CHTF18: variants seen among roughly 807,000 people sequenced by gnomAD.
CHTF18 encodes the protein chromosome transmission fidelity factor 18, also known as chromosome transmission fidelity protein 18 homolog.
A neutral mutation model predicts 113.4 loss-of-function variants in CHTF18; 151 were observed. That is an observed-to-expected ratio of 1.33 (90% CI 1.17 to 1.52). The LOEUF (loss-of-function observed/expected upper bound fraction) is 1.52. Ranked by LOEUF, CHTF18 falls within the 40% of genes most tolerant of loss-of-function variation. CHTF18 has a pLI of 0.00. For missense variants in CHTF18, 1,982 were observed against 1,381.6 expected, an observed-to-expected ratio of 1.43 and a Z score of -6.89; for synonymous variants, 916 against 598.8, an observed-to-expected ratio of 1.53 and a Z score of -7.74.
intron 15 of CHTF18, chr16:794,843 T>C (rs1338443748): frequency 8.7e-6 from 4 of 461,174 alleles, no homozygotes; most frequent in Non-Finnish European, 1.6e-5. Context: ...GGAGGCCTCC[T>C]GGTGGGTCAC....
Position 789,215 on chromosome 16 carries a change from A to G in CHTF18, c.292A>G (p.Arg98Gly). The change falls in exon 3 of 22, where the codon AGG (arginine) becomes GGG (glycine). Residue 98 changes from arginine (R) to glycine (G), a missense_variant. Physicochemically the swap from Arg to Gly is moderately radical, Grantham distance 125. Coordinates refer to ENST00000262315, the MANE Select transcript of CHTF18 (RefSeq NM_022092.3). ...QPAGSLPHAP[R>G]IKRPRLQVVK... ...CCTGCATGTGTCTCCCCCAGCCCCC[A>G]GGATCAAACGGCCTAGGCTGCAGGT... The G allele has an allele frequency of 6.4e-7, 1 of 1,551,352 alleles. No homozygotes were observed. Among genetic ancestry groups the G allele is most frequent in the East Asian group, 2.4e-5 (1 of 40,962 alleles).
chr16:792,075 G>A (rs1469491493), intron 9 of CHTF18, 127 bp downstream of exon 9: 43 of 1,533,556 alleles, frequency 2.8e-5, no homozygotes, highest in African/African-American at 2.8e-5. Context: ...TGTGTGGGCC[G>A]GGAAAACGTG....
chr16:797,817 G>A (rs1192411467), intron 21 of CHTF18, 22 bp from the exon 22 acceptor site: 1 of 1,594,210 alleles, frequency 6.3e-7, no homozygotes, highest in Non-Finnish European at 8.5e-7. Context: ...TACAGCTGAG[G>A]AGCAACCCTG....
At chr16:790,851 C>T (rs1279213045) in intron 7 of CHTF18, 185 bp downstream of exon 7, 16 of 1,431,480 alleles carry the variant, frequency 1.1e-5, no homozygotes, top group Middle Eastern at 2.6e-4. Context: ...TCCCCTGTGA[C>T]CTGTGAGGCA....
rs767341732 is a variant in CHTF18, at chr16:794,181, G to C, written c.1930G>C (p.Glu644Gln). Residue 644 changes from glutamate to glutamine, a missense_variant, in exon 15 of 22, where the codon GAG (glutamate) becomes CAG (glutamine). By Grantham distance (29) the Glu-to-Gln change is conservative. Coordinates refer to ENST00000262315, the MANE Select transcript of CHTF18 (RefSeq NM_022092.3). ...CCTGCATGCCGCTGCCTCTGCGGGC[G>C]AGCACGAGAAGGTGGTCCAGGTACC... ...RVLHAAASAG[E>Q]HEKVVQGLFD... 6.2e-7 allele frequency: 1 copy of C among 1,611,928 alleles called. No homozygotes were observed. Among genetic ancestry groups the C allele is most frequent in the Non-Finnish European group, 8.5e-7 (1 of 1,179,464 alleles).
At position 795,971 on chromosome 16, in the gene CHTF18, C is replaced by T. The variant is rs763326027; in HGVS notation, c.2350C>T (p.Arg784Cys). Residue 784 changes from arginine (R) to cysteine (C), a missense_variant, in exon 18 of 22, where the codon CGT (arginine) becomes TGT (cysteine). Arg to Cys is a radical substitution (Grantham distance 180). Coordinates refer to ENST00000262315, the MANE Select transcript of CHTF18 (RefSeq NM_022092.3). ...GGTGAGCACACAGCTGTACAGCACC[C>T]GTGAAAAGCAACAGCTGGCCAGCCT... ...RPVSTQLYST[R>C]EKQQLASLVG... 24 of 1,609,470 alleles carry T rather than the reference C, an allele frequency of 1.5e-5. No individual in the cohort carries two copies. Among genetic ancestry groups the T allele is most frequent in the South Asian group, 2.2e-5 (2 of 90,380 alleles).
chr16:790,153 G>A (rs773043680), intron 4 of CHTF18, 24 bp from the exon 5 acceptor site: 24 of 1,572,592 alleles, frequency 1.5e-5, no homozygotes, highest in South Asian at 5.8e-5. Flanking sequence ...GGGCCCAGAG[G>A]CAATTGTCCT....
At chr16:789,886 C>G (rs986049815) in intron 4 of CHTF18, 171 bp downstream of exon 4, 159 of 1,350,388 alleles carry the variant, frequency 1.2e-4, no homozygotes, top group Admixed American at 2.2e-4. Flanking sequence ...ACAGCCTCCC[C>G]ACAGCAGGTT....
rs1177505141 is a variant in CHTF18 at position 792,229 on chromosome 16, A to G, written c.1208A>G (p.Asp403Gly). 1 of 1,570,838 alleles carries G rather than the reference A, an allele frequency of 6.4e-7. No homozygotes were observed. The highest frequency in any genetic ancestry group is 8.6e-7 in the Non-Finnish European group (1 of 1,159,014). ...CCCTGACCTCCCCATTGCAGTGACG[A>G]CCGTAGCCCGGAGGTCTTCCGCACA... Reference protein sequence around the residue: ...YSVVEMNASDDRSPEVFRTRI... With the variant: ...YSVVEMNASDGRSPEVFRTRI... Residue 403 changes from aspartate to glycine, a missense_variant, in exon 10 of 22, where the codon GAC (aspartate) becomes GGC (glycine). By Grantham distance (94) the Asp-to-Gly change is moderately conservative (BLOSUM62 -1). Transcript: ENST00000262315.
At position 788,918 on chromosome 16, in the gene CHTF18, CCT is replaced by C; in HGVS notation, c.92-9_92-8del. On this transcript the variant is annotated splice_polypyrimidine_tract_variant and intron_variant, in intron 1 of 21. Transcript: ENST00000262315. ...GTCTCGGGGCGGCCGCTGACAATCT[CCT>C]CTCCCAGCAGGGGCGTCGACTCCGT... The C allele has an allele frequency of 6.5e-7, 1 of 1,531,870 alleles. No homozygotes were observed. Among genetic ancestry groups the C allele is most frequent in the Non-Finnish European group, 8.7e-7 (1 of 1,149,488 alleles). 94.9% of individuals were successfully genotyped at this position (1,531,870 alleles called of 1,614,324 possible).
intron 18 of CHTF18, 152 bp from the exon 19 acceptor site, chr16:796,565 C>T (rs569625075): frequency 3.0e-4 from 266 of 897,008 alleles, no homozygotes; most frequent in South Asian, 2.6e-3. Context: ...ACCTGGCTGC[C>T]GCAGGGTTGG....
At chr16:789,964 T>G (rs1330229077) in intron 4 of CHTF18, 1 of 1,534,252 alleles carries the variant, frequency 6.5e-7, no homozygotes, top group East Asian at 2.4e-5. Context: ...GCTTTTGCCC[T>G]TTCCTCCTTT....
chr16:788,864 C>T (rs1015539489), intron 1 of CHTF18, 67 bp from the exon 2 acceptor site: 6 of 1,505,548 alleles, frequency 4.0e-6, no homozygotes, highest in African/African-American at 2.9e-5. Context: ...GCCGAAGGGG[C>T]CTCCACGTCG....
intron 4 of CHTF18, 122 bp downstream of exon 4, chr16:789,837 GA>G: frequency 7.4e-7 from 1 of 1,350,704 alleles, no homozygotes; most frequent in Non-Finnish European, 1.0e-6. Flanking sequence ...CAGGGGTGCA[GA>G]GGGGGAGGCT....
rs1349689766 is a variant in CHTF18, at chr16:795,776, C to A, written c.2267C>A (p.Ala756Asp). The part of the protein sequence containing the change: ...PATRSRATPQ[A>D]LLLDALCLLL... ...ACGCGCAGCCGGGCCACGCCCCAGG[C>A]CCTGCTCCTCGATGCCCTCTGCCTG... The change falls in exon 17 of 22, where the codon GCC (alanine) becomes GAC (aspartate). Residue 756 changes from alanine (A) to aspartate (D), a missense_variant. Transcript: ENST00000262315. 1.2e-6 allele frequency: 2 copies of A among 1,609,672 alleles called. No homozygotes were observed. Among genetic ancestry groups the A allele is most frequent in the Non-Finnish European group, 1.7e-6 (2 of 1,178,998 alleles).
In CHTF18 at chr16:790,574, G is replaced by C. The variant is rs1350320305; in HGVS notation, c.802G>C (p.Glu268Gln). 6.3e-7 allele frequency: 1 copy of C among 1,597,074 alleles called. No individual in the cohort carries two copies. Among genetic ancestry groups the C allele is most frequent in the African/African-American group, 1.3e-5 (1 of 74,640 alleles). ...EAAQPLGAPE[E>Q]EPTDGQDASS... is the part of the protein sequence containing the mutation. ...AGCCCAGCCCTTGGGGGCCCCTGAGGAGGAGCCGACTGACGGTCAAGACGC... is the reference window on the plus strand; with the variant it reads ...AGCCCAGCCCTTGGGGGCCCCTGAGCAGGAGCCGACTGACGGTCAAGACGC... Residue 268 changes from glutamate to glutamine, a missense_variant, in exon 7 of 22, where the codon GAG (glutamate) becomes CAG (glutamine). Physicochemically the swap from Glu to Gln is conservative, Grantham distance 29. Coordinates refer to ENST00000262315, the MANE Select transcript of CHTF18 (RefSeq NM_022092.3).
Position 793,180 on chromosome 16 carries a change from C to G in CHTF18, c.1708C>G (p.Arg570Gly), listed in dbSNP as rs764024677. The G allele has an allele frequency of 1.9e-6, 3 of 1,607,192 alleles. No homozygotes were observed. The highest frequency in any genetic ancestry group is 2.2e-5 in the East Asian group (1 of 44,650). The change falls in exon 14 of 22, where the codon CGG becomes GGG. Residue 570 changes from arginine to glycine, a missense_variant. Transcript: ENST00000262315. The stretch of plus-strand genomic sequence containing the variant: ...CCGGGGCCAGCGGGAGCTGAGCGTG[C>G]GGGACGTGCAGGCCACACGCGTGGG... ...YSRGQRELSV[R>G]DVQATRVGLK... is the part of the protein sequence containing the mutation.
Position 793,056 on chromosome 16 carries a change from A to G in CHTF18, c.1663A>G (p.Thr555Ala), listed in dbSNP as rs1247377323. 8.1e-7 allele frequency: 1 copy of G among 1,240,914 alleles called. No homozygotes were observed. 76.9% of individuals were successfully genotyped at this position (1,240,914 alleles called of 1,614,324 possible). Residue 555 changes from threonine to alanine, a missense_variant, in exon 13 of 22, where the codon ACC (threonine) becomes GCC (alanine). Transcript: ENST00000262315. Reference protein sequence around the residue: ...TDNDIRACINTLQFLYSRGQR... With the variant: ...TDNDIRACINALQFLYSRGQR... Reference sequence around the variant, plus strand: ...CAATGACATCCGGGCCTGCATCAACACCCTGCAGGTGGGCGGCCGGCAGGC... The same window carrying G: ...CAATGACATCCGGGCCTGCATCAACGCCCTGCAGGTGGGCGGCCGGCAGGC...
In CHTF18 at chr16:798,069, C is replaced by T. The variant is rs1312519504; in HGVS notation, c.*94C>T. On this transcript the variant is annotated 3_prime_UTR_variant, in exon 22 of 22. Transcript: ENST00000262315. ...CTTTATAAAGTCACACCTTTACAGACTGTAATCACGTGCGAGTGGAGTGGG... is the reference window on the plus strand; with the variant it reads ...CTTTATAAAGTCACACCTTTACAGATTGTAATCACGTGCGAGTGGAGTGGG... 5.4e-6 allele frequency: 8 copies of T among 1,480,634 alleles called. No individual in the cohort carries two copies. Among genetic ancestry groups the T allele is most frequent in the Admixed American group, 1.9e-5 (1 of 51,322 alleles). 91.7% of individuals were successfully genotyped at this position (1,480,634 alleles called of 1,614,324 possible). A position where few individuals can be genotyped will look rare whatever the true frequency, so the allele number is the denominator to read the frequency against.
Sources: allele counts gnomAD v4.1 joint callset, GRCh38; gene constraint gnomAD v4.1.1; transcripts MANE v1.5; gene names NCBI Gene and HGNC (gene_info 2026-07-23, HGNC 2026-07-21).